The following ADGRG4 variants were observed in gnomAD, a reference collection of about 807,000 sequenced individuals.
The protein encoded by ADGRG4 is G protein-coupled receptor 112.
In ADGRG4, 122 loss-of-function variants were observed where a neutral mutation model predicts 126.2. That is an observed-to-expected ratio of 0.97 (90% CI 0.83 to 1.12). The LOEUF (loss-of-function observed/expected upper bound fraction) is 1.12. Ranked by LOEUF, ADGRG4 falls within the 50% of genes most tolerant of loss-of-function variation. ADGRG4 has a pLI of 0.00. For synonymous variants in ADGRG4, 943 were observed against 838.7 expected (o/e 1.12, Z -2.15); for missense variants, 2,481 against 2,251.8 (o/e 1.10, Z -2.06).
In ADGRG4 at chrX:136,301,908, T is replaced by C. The variant is rs139210960; in HGVS notation, c.-254+908T>C. 2.3e-4 allele frequency among the ~76,000 whole-genome samples: 26 copies of C among 111,898 alleles called. 2 individuals carry two copies. Among genetic ancestry groups the C allele is most frequent in the Admixed American group, 2.3e-3 (24 of 10,540 alleles). ...GATAGTTGCAGATATGTGGCATTAT[T>C]TCTGAGGGCCCTGTTCTGTTCCATT... On this transcript the variant is annotated intron_variant, in intron 1 of 25. Coordinates refer to ENST00000394143, the MANE Select transcript of ADGRG4 (RefSeq NM_153834.4).
intron 5 of ADGRG4, among the ~76,000 whole-genome samples, chrX:136,330,154 C>G (rs892256216): frequency 6.3e-5 from 7 of 111,016 alleles, no homozygotes; most frequent in Non-Finnish European, 1.1e-4. Flanking sequence ...AATTTTATCA[C>G]CTGGGCAAAC....
At chrX:136,393,502 C>T (rs1210532480) in intron 17 of ADGRG4, 33 bp from the exon 18 acceptor site, 2 of 1,147,841 alleles carry the variant, frequency 1.7e-6, no homozygotes, top group Admixed American at 4.5e-5. Flanking sequence ...TATCACAAGG[C>T]AAGATGTTTA....
intron 19 of ADGRG4, among the ~76,000 whole-genome samples, chrX:136,395,762 T>G (rs1322877413): frequency 3.6e-5 from 4 of 111,915 alleles, no homozygotes; most frequent in Non-Finnish European, 5.6e-5. Flanking sequence ...CAGGCTAACA[T>G]GTATATTCAT....
At chrX:136,398,866 A>G (rs1337175722) in intron 20 of ADGRG4, among the ~76,000 whole-genome samples, 1 of 112,356 alleles carries the variant, frequency 8.9e-6, no homozygotes, top group African/African-American at 3.2e-5. Context: ...GCTTCAAATT[A>G]GAAACAACCC....
intron 5 of ADGRG4, among the ~76,000 whole-genome samples, chrX:136,328,555 C>A (rs1045095672): frequency 1.8e-5 from 2 of 111,854 alleles, no homozygotes; most frequent in African/African-American, 6.5e-5. Context: ...GAACTGAGTT[C>A]ATCATGGGAA....
At chrX:136,388,672 G>A (rs1165190703) in intron 16 of ADGRG4, among the ~76,000 whole-genome samples, 2 of 111,818 alleles carry the variant, frequency 1.8e-5, no homozygotes, top group East Asian at 2.8e-4. Flanking sequence ...AGCCTCATTC[G>A]TTTAGACCAC....
At chrX:136,408,065 G>C (rs2075425385) in intron 23 of ADGRG4, among the ~76,000 whole-genome samples, 1 of 111,935 alleles carries the variant, frequency 8.9e-6, no homozygotes, top group African/African-American at 3.2e-5. Context: ...AGGGGTTAAA[G>C]GAAAGCTGGC....
chrX:136,392,157 A>G (rs952889848), intron 16 of ADGRG4, 75 bp from the exon 17 acceptor site: 25 of 931,934 alleles, frequency 2.7e-5, no homozygotes, highest in Non-Finnish European at 3.4e-5. Flanking sequence ...TAGCACTTCA[A>G]AATTCCAGAT....
intron 5 of ADGRG4, among the ~76,000 whole-genome samples, chrX:136,329,214 T>C (rs1489376704): frequency 9.0e-6 from 1 of 111,666 alleles, no homozygotes; most frequent in Non-Finnish European, 1.9e-5. Context: ...AGATGTGACA[T>C]GTGGGCTAGA....
chrX:136,332,515 A>G (rs1418992359), intron 5 of ADGRG4, among the ~76,000 whole-genome samples: 27 of 91,890 alleles, frequency 2.9e-4, no homozygotes, highest in South Asian at 5.4e-4. Flanking sequence ...CTTTGGGTAT[A>G]TACCCAGTAA....
chrX:136,407,598 T>C (rs757822203), intron 23 of ADGRG4, among the ~76,000 whole-genome samples: 22 of 112,104 alleles, frequency 2.0e-4, no homozygotes, highest in Non-Finnish European at 1.3e-4. Flanking sequence ...CAACGGAAAC[T>C]TTTTGTCCCA....
rs1298773755 is a variant in ADGRG4, at chrX:136,405,873, A to T, written c.8836A>T (p.Thr2946Ser). 5 of 1,204,798 alleles carry T rather than the reference A, an allele frequency of 4.2e-6. No individual in the cohort carries two copies. Among genetic ancestry groups the T allele is most frequent in the Non-Finnish European group, 5.6e-6 (5 of 891,913 alleles). ...LHDLKGTMSL[T>S]FLLGLTWGFA... ...TGACCTCAAAGGCACAATGAGCCTG[A>T]CATTCTTACTTGGCCTCACCTGGGG... The change falls in exon 23 of 26, where the codon ACA (threonine) becomes TCA (serine). Residue 2946 changes from threonine (T) to serine (S), a missense_variant. By Grantham distance (58) the Thr-to-Ser change is moderately conservative. Coordinates refer to ENST00000394143, the MANE Select transcript of ADGRG4 (RefSeq NM_153834.4).
At position 136,349,177 on chromosome X, in the gene ADGRG4, C is replaced by T. The variant is rs2075041893; in HGVS notation, c.5471C>T (p.Thr1824Ile). 1 of 1,203,539 alleles carries T rather than the reference C, an allele frequency of 8.3e-7. No individual in the cohort carries two copies. Among genetic ancestry groups the T allele is most frequent in the African/African-American group, 1.7e-5 (1 of 57,593 alleles). The change falls in exon 6 of 26, where the codon ACC becomes ATC. Residue 1824 changes from threonine (T) to isoleucine (I), a missense_variant. Coordinates refer to ENST00000394143, the MANE Select transcript of ADGRG4 (RefSeq NM_153834.4). Reference protein sequence around the residue: ...LNTPVSYPPWTPSSATLPSLT... With the variant: ...LNTPVSYPPWIPSSATLPSLT... Reference sequence around the variant, plus strand: ...ACCCCTGTTTCATACCCTCCATGGACCCCATCCAGTGCAACTCTACCCTCT... The same window carrying T: ...ACCCCTGTTTCATACCCTCCATGGATCCCATCCAGTGCAACTCTACCCTCT...
In ADGRG4 at chrX:136,394,246, G is replaced by A. The variant is rs143178204; in HGVS notation, c.8080+666G>A. On this transcript the variant is annotated intron_variant, in intron 18 of 25. Transcript: ENST00000394143. ...GAGTCTTTGGAGACAGACAGTAGAA[G>A]ACTGGGAATGGTCATTGCTGACTGG... Among the ~76,000 whole-genome samples, 679 of 112,013 alleles carry A rather than the reference G, an allele frequency of 6.1e-3. 2 individuals are homozygous for A. The highest frequency in any genetic ancestry group is 0.02 in the African/African-American group (607 of 30,829).
rs764892476 is a variant in ADGRG4 at position 136,344,767 on chromosome X, C to T, written c.1061C>T (p.Thr354Ile). 2.5e-6 allele frequency: 3 copies of T among 1,209,777 alleles called. No homozygotes were observed. In the Admixed American group the frequency reaches 6.5e-5, roughly 26 times the overall value. Residue 354 changes from threonine (T) to isoleucine (I), a missense_variant, in exon 6 of 26, where the codon ACA becomes ATA. Thr to Ile is a moderately conservative substitution (Grantham distance 89). Coordinates refer to ENST00000394143, the MANE Select transcript of ADGRG4 (RefSeq NM_153834.4). ...CCATCTTCAGAAAGCACAAAGACAA[C>T]AAAAATGGTTGAAGCCATGGCTACT... Reference protein sequence around the residue: ...KSPSSESTKTTKMVEAMATEI... With the variant: ...KSPSSESTKTIKMVEAMATEI...
intron 21 of ADGRG4, among the ~76,000 whole-genome samples, chrX:136,400,607 A>G (rs1441737489): frequency 8.9e-6 from 1 of 112,412 alleles, no homozygotes; most frequent in African/African-American, 3.2e-5. Context: ...CTAGTAGGCA[A>G]GAGAGCTGGG....
chrX:136,400,080 C>A lies in ADGRG4; in HGVS notation c.8539C>A (p.Pro2847Thr), dbSNP rs1394889577. 8.3e-7 allele frequency: 1 copy of A among 1,200,247 alleles called. No individual in the cohort carries two copies. Among genetic ancestry groups the A allele is most frequent in the African/African-American group, 1.8e-5 (1 of 57,065 alleles). The change falls in exon 21 of 26, where the codon CCA becomes ACA. Residue 2847 changes from proline (P) to threonine (T), a missense_variant. By Grantham distance (38) the Pro-to-Thr change is conservative. Transcript: ENST00000394143. ...AGTCAAAGTCTTCAACATATACATT[C>A]CAAATTATATCCTTAAATTTTGTCT... ...ALVKVFNIYI[P>T]NYILKFCLVG...
intron 4 of ADGRG4, among the ~76,000 whole-genome samples, chrX:136,321,868 GT>G (rs1342990424): frequency 8.9e-6 from 1 of 112,261 alleles, no homozygotes; most frequent in Admixed American, 9.4e-5. Context: ...AAATAATCTT[GT>G]AAAGTCATCA....
chrX:136,393,074 G>T (rs1257802995), intron 17 of ADGRG4, among the ~76,000 whole-genome samples: 2 of 111,961 alleles, frequency 1.8e-5, no homozygotes, highest in African/African-American at 6.5e-5. Flanking sequence ...CTCCTTGCCT[G>T]CAGTTTCCTG....
Sources: allele counts gnomAD v4.1 joint callset (sites outside exome capture counted in the v4.1 genomes callset), GRCh38; gene constraint gnomAD v4.1.1; transcripts MANE v1.5; gene names NCBI Gene and HGNC (gene_info 2026-07-23, HGNC 2026-07-21).